Variants in WIPF2 observed in about 807,000 individuals in gnomAD.
WIPF2 encodes the protein WAS/WASL-interacting protein family member 2.
A neutral mutation model predicts 38.8 loss-of-function variants in WIPF2; 23 were observed. That is an observed-to-expected ratio of 0.59 (90% CI 0.43 to 0.84). The LOEUF (loss-of-function observed/expected upper bound fraction) is 0.84, where lower values mean the gene tolerates loss of function less well. Among genes scored for constraint, WIPF2 ranks in the 40% least tolerant of loss-of-function variants. The pLI, the probability that WIPF2 is intolerant of heterozygous loss-of-function variation, is 0.00. For missense variants in WIPF2, 574 were observed against 580.5 expected, an observed-to-expected ratio of 0.99 and a Z score of 0.11; for synonymous variants, 210 against 223.2, an observed-to-expected ratio of 0.94 and a Z score of 0.53.
rs777476298 is a variant in WIPF2 at position 40,281,982 on chromosome 17, G to C, written c.*3757G>C. On this transcript the variant is annotated 3_prime_UTR_variant, in exon 8 of 8. Coordinates refer to ENST00000323571, the MANE Select transcript of WIPF2 (RefSeq NM_133264.5). Reference sequence around the variant, plus strand: ...AGTCCCTGGCCATGTGGTCAAGGTGGCTTTCTGTTAAGCTACCCTAATTTC... The same window carrying C: ...AGTCCCTGGCCATGTGGTCAAGGTGCCTTTCTGTTAAGCTACCCTAATTTC... The C allele has an allele frequency of 6.6e-6, 1 of 152,292 alleles. No individual in the cohort carries two copies. The highest frequency in any genetic ancestry group is 1.5e-5 in the Non-Finnish European group (1 of 67,994). The allele number at this position is 152,292 out of a possible 1,614,324, so 9.4% of individuals were successfully genotyped here. A position where few individuals can be genotyped will look rare whatever the true frequency, so the allele number is the denominator to read the frequency against.
At chr17:40,258,916 G>A (rs1274538249) in intron 2 of WIPF2, among the ~76,000 whole-genome samples, 1 of 145,414 alleles carries the variant, frequency 6.9e-6, no homozygotes, top group Non-Finnish European at 1.5e-5. Flanking sequence ...AAGTAGAGGG[G>A]ACTACATGTG....
At chr17:40,256,572 T>C (rs774799324) in intron 2 of WIPF2, 50 bp downstream of exon 2, 1 of 1,549,986 alleles carries the variant, frequency 6.5e-7, no homozygotes, top group South Asian at 1.2e-5. Flanking sequence ...GTAAATAGGT[T>C]GATGGTCCTC....
chr17:40,267,237 C>T (rs141771818), intron 5 of WIPF2, among the ~76,000 whole-genome samples: 2 of 151,966 alleles, frequency 1.3e-5, no homozygotes, highest in African/African-American at 2.4e-5. Flanking sequence ...GTTTAACCAG[C>T]GTTAGCATGT....
intron 1 of WIPF2, among the ~76,000 whole-genome samples, chr17:40,233,229 G>A (rs1328460135): frequency 6.6e-6 from 1 of 152,054 alleles, no homozygotes; most frequent in East Asian, 1.9e-4. Context: ...CAGATCCAAC[G>A]TTGACCTTAT....
At chr17:40,249,761 GT>G (rs973098068) in intron 1 of WIPF2, among the ~76,000 whole-genome samples, 8 of 151,890 alleles carry the variant, frequency 5.3e-5, no homozygotes, top group African/African-American at 1.9e-4. Context: ...CCAGGAAGCA[GT>G]TTTTAAAAGT....
At chr17:40,271,944 C>T (rs918909796) in intron 5 of WIPF2, among the ~76,000 whole-genome samples, 2 of 151,832 alleles carry the variant, frequency 1.3e-5, no homozygotes, top group Non-Finnish European at 2.9e-5. Flanking sequence ...TACTTGGTGG[C>T]AAATTTTCAT....
intron 1 of WIPF2, among the ~76,000 whole-genome samples, chr17:40,249,704 C>T (rs781340671): frequency 3.9e-5 from 6 of 151,948 alleles, no homozygotes; most frequent in East Asian, 1.9e-4. Context: ...CTGCCTGCCT[C>T]GGCCTCCCAA....
chr17:40,247,114 AAAAC>A (rs893649139), intron 1 of WIPF2, among the ~76,000 whole-genome samples: 19 of 152,140 alleles, frequency 1.2e-4, no homozygotes, highest in African/African-American at 2.9e-4. Context: ...ACTCCGTCTC[AAAAC>A]AAACAAACAA....
intron 4 of WIPF2, 57 bp downstream of exon 4, chr17:40,262,698 C>T: frequency 7.0e-7 from 1 of 1,428,870 alleles, no homozygotes; most frequent in South Asian, 1.2e-5. Flanking sequence ...TCTGATGTCC[C>T]AAGTGGGCCA....
rs1312562059 is a variant in WIPF2, at chr17:40,247,409, G to C, written c.-69-8982G>C. On this transcript the variant is annotated intron_variant, in intron 1 of 7. Coordinates refer to ENST00000323571, the MANE Select transcript of WIPF2 (RefSeq NM_133264.5). ...AATTTTTGTATTTTTAGTAGGGATG[G>C]GGTTTCACCATGTTGGCCAGGCTAG... Among the ~76,000 whole-genome samples the C allele has an allele frequency of 2.0e-5, 3 of 151,290 alleles. No homozygotes were observed. In the East Asian group the frequency reaches 5.9e-4, roughly 30 times the overall value.
chr17:40,220,516 C>G (rs2030131577), intron 1 of WIPF2: 1 of 145,324 alleles, frequency 6.9e-6, no homozygotes, highest in Non-Finnish European at 1.5e-5. Flanking sequence ...CCACCTAAGC[C>G]CCGCCAATAG....
chr17:40,222,846 ATTTTAGT>A (rs2030311766), intron 1 of WIPF2, among the ~76,000 whole-genome samples: 1 of 146,434 alleles, frequency 6.8e-6, no homozygotes, highest in African/African-American at 2.5e-5. Flanking sequence ...AATTTTTTGT[ATTTTAGT>A]AGAGATGGGG....
chr17:40,230,613 G>A (rs1022405597), intron 1 of WIPF2, among the ~76,000 whole-genome samples: 6 of 152,258 alleles, frequency 3.9e-5, no homozygotes, highest in Admixed American at 2.0e-4. Context: ...AAATTGTTTT[G>A]GAGATTAGGC....
intron 5 of WIPF2, among the ~76,000 whole-genome samples, chr17:40,272,461 A>T (rs540886445): frequency 2.6e-5 from 4 of 152,352 alleles, no homozygotes; most frequent in East Asian, 1.9e-4. Flanking sequence ...TGTTTGAGCA[A>T]TGAGACTGTT....
intron 1 of WIPF2, chr17:40,220,632 T>TG (rs200038879): frequency 7.6e-6 from 1 of 131,032 alleles, no homozygotes; most frequent in Non-Finnish European, 1.6e-5. Context: ...TATATATATA[T>TG]TTTTTTGTTG....
chr17:40,234,451 A>AC (rs1183917769), intron 1 of WIPF2, among the ~76,000 whole-genome samples: 5 of 151,470 alleles, frequency 3.3e-5, no homozygotes, highest in African/African-American at 1.2e-4. Flanking sequence ...AAACAAACAA[A>AC]CAAAAAAAAC....
chr17:40,236,607 C>CTT (rs56250344), intron 1 of WIPF2, among the ~76,000 whole-genome samples: 133 of 133,494 alleles, frequency 1.0e-3, no homozygotes, highest in Non-Finnish European at 1.8e-3. Flanking sequence ...CACTCAGCCT[C>CTT]TTTTTTTTTT....
intron 7 of WIPF2, among the ~76,000 whole-genome samples, chr17:40,277,891 T>A (rs993360764): frequency 3.0e-4 from 46 of 151,844 alleles, no homozygotes; most frequent in Admixed American, 1.3e-4. Flanking sequence ...CATGCCGGAT[T>A]ATTTTTGTAA....
intron 1 of WIPF2, among the ~76,000 whole-genome samples, chr17:40,245,346 CTT>C (rs537431593): frequency 2.1e-5 from 3 of 143,628 alleles, no homozygotes; most frequent in Non-Finnish European, 4.6e-5. Flanking sequence ...CCAGATAATT[CTT>C]TTTTTTTTTT....
Sources: gnomAD v4.1 joint callset for allele counts (sites outside exome capture counted in the v4.1 genomes callset) on GRCh38, gnomAD v4.1.1 for gene constraint, MANE v1.5 for transcripts, NCBI Gene and HGNC (gene_info 2026-07-23, HGNC 2026-07-21) for gene names.